APLN: variants seen among roughly 807,000 people sequenced by gnomAD.
The protein encoded by APLN is apelin, also known as AGTRL1 ligand.
APLN carries 2 observed loss-of-function variants against 4.3 expected under a neutral mutation model. The observed-to-expected ratio is 0.46, with a 90% CI of 0.19 to 1.45. APLN has a LOEUF of 1.45. Ranked by LOEUF, APLN falls within the 40% of genes most tolerant of loss-of-function variation. APLN has a pLI of 0.25. For missense variants in APLN, 80 were observed against 70.0 expected, an observed-to-expected ratio of 1.14 and a Z score of -0.51; for synonymous variants, 34 against 30.4, an observed-to-expected ratio of 1.12 and a Z score of -0.38.
rs1461301153 is a variant in APLN, at chrX:129,647,841, G to A, written c.*82C>T. The A allele has an allele frequency of 4.1e-5, 40 of 983,175 alleles. No homozygotes were observed. The highest frequency in any genetic ancestry group is 5.3e-5 in the Non-Finnish European group (40 of 756,156). 81.0% of individuals were successfully genotyped at this position (983,175 alleles called of 1,213,427 possible). A position where few individuals can be genotyped will look rare whatever the true frequency, so the allele number is the denominator to read the frequency against. On this transcript the variant is annotated 3_prime_UTR_variant, in exon 3 of 3. Coordinates refer to ENST00000429967, the MANE Select transcript of APLN (RefSeq NM_017413.5). Reference sequence around the variant, plus strand: ...TGCGAGGTGAGAGCTGAATGGACGTGAGGCCTCCAGAGAAGCAGACCAATC... The same window carrying A: ...TGCGAGGTGAGAGCTGAATGGACGTAAGGCCTCCAGAGAAGCAGACCAATC...
At chrX:129,651,164 G>C (rs1008384546) in intron 1 of APLN, among the ~76,000 whole-genome samples, 1 of 110,876 alleles carries the variant, frequency 9.0e-6, no homozygotes, top group African/African-American at 3.3e-5. Flanking sequence ...AAGATGTCTA[G>C]ACTCTAGGTC....
chrX:129,652,421 C>T (rs779037742), intron 1 of APLN, among the ~76,000 whole-genome samples: 1 of 111,634 alleles, frequency 9.0e-6, no homozygotes, highest in South Asian at 3.8e-4. Flanking sequence ...CTGGGGACAG[C>T]ATGCCAGTCC....
chrX:129,647,782 G>A lies in APLN; in HGVS notation c.*141C>T, dbSNP rs749915129. The A allele has an allele frequency of 4.6e-5, 45 of 983,202 alleles. No homozygotes were observed. In the South Asian group the frequency reaches 8.5e-4, roughly 19 times the overall value. The allele number at this position is 983,202 out of a possible 1,213,427, so 81.0% of individuals were successfully genotyped here. A position where few individuals can be genotyped will look rare whatever the true frequency, so the allele number is the denominator to read the frequency against. ...ACGCCACTGGGGGAAGCAGGCAGGT[G>A]AGAAGAGCTGGGCCCACTGGTGGCT... On this transcript the variant is annotated 3_prime_UTR_variant, in exon 3 of 3. Transcript: ENST00000429967.
chrX:129,647,436 TAG>T lies in APLN; in HGVS notation c.*485_*486del, dbSNP rs1041204149. 15 of 319,001 alleles carry T rather than the reference TAG, an allele frequency of 4.7e-5. No individual in the cohort carries two copies. The highest frequency in any genetic ancestry group is 7.7e-5 in the Non-Finnish European group (15 of 193,782). The allele number at this position is 319,001 out of a possible 1,213,427, so 26.3% of individuals were successfully genotyped here. On this transcript the variant is annotated 3_prime_UTR_variant, in exon 3 of 3. Coordinates refer to ENST00000429967, the MANE Select transcript of APLN (RefSeq NM_017413.5). ...ATCCCCGCAGCCAGCACCTCTTAACTAGAGTCTCTCCTTGCTTTTCTCTGCAT... is the reference window on the plus strand; with the variant it reads ...ATCCCCGCAGCCAGCACCTCTTAACTAGTCTCTCCTTGCTTTTCTCTGCAT...
chrX:129,653,920 T>G (rs1313354450), intron 1 of APLN, among the ~76,000 whole-genome samples: 3 of 110,293 alleles, frequency 2.7e-5, no homozygotes, highest in African/African-American at 9.9e-5. Context: ...GACCTTGGGG[T>G]TAGGGAGGAG....
chrX:129,653,507 C>T (rs1356848047), intron 1 of APLN, among the ~76,000 whole-genome samples: 1 of 112,693 alleles, frequency 8.9e-6, no homozygotes, highest in East Asian at 2.8e-4. Context: ...TGGCCTTCCC[C>T]TTGTGTGGTG....
At chrX:129,649,890 G>C (rs1305376263) in intron 1 of APLN, among the ~76,000 whole-genome samples, 6 of 111,322 alleles carry the variant, frequency 5.4e-5, no homozygotes, top group Non-Finnish European at 7.5e-5. Flanking sequence ...GAGGGAAAAG[G>C]CATGCAGGCC....
intron 1 of APLN, among the ~76,000 whole-genome samples, chrX:129,651,673 A>C (rs1936979369): frequency 8.9e-6 from 1 of 112,070 alleles, no homozygotes; most frequent in African/African-American, 3.2e-5. Flanking sequence ...ACAGGATTTG[A>C]CTTTCATGCT....
chrX:129,648,022 A>C, intron 2 of APLN, 105 bp from the exon 3 acceptor site: 1 of 919,202 alleles, frequency 1.1e-6, no homozygotes, highest in Admixed American at 3.6e-5. Flanking sequence ...CTTTCCCCCA[A>C]ACTCCACTCA....
rs895688031 is a variant in APLN, at chrX:129,647,632, G to A, written c.*291C>T. The A allele has an allele frequency of 5.1e-6, 5 of 980,119 alleles. No homozygotes were observed. In the African/African-American group the frequency reaches 1.0e-4, roughly 20 times the overall value. The allele number at this position is 980,119 out of a possible 1,213,427, so 80.8% of individuals were successfully genotyped here. A position where few individuals can be genotyped will look rare whatever the true frequency, so the allele number is the denominator to read the frequency against. Reference sequence around the variant, plus strand: ...GACAGGCAGGGACTAGGGCGGAGGGGACCTGGAGAAGAAGGGAGGCTTTCT... The same window carrying A: ...GACAGGCAGGGACTAGGGCGGAGGGAACCTGGAGAAGAAGGGAGGCTTTCT... On this transcript the variant is annotated 3_prime_UTR_variant, in exon 3 of 3. Coordinates refer to ENST00000429967, the MANE Select transcript of APLN (RefSeq NM_017413.5).
rs762505058 is a variant in APLN, at chrX:129,651,184, G to T, written c.68-2392C>A. On this transcript the variant is annotated intron_variant, in intron 1 of 2. Coordinates refer to ENST00000429967, the MANE Select transcript of APLN (RefSeq NM_017413.5). ...GTCTAGACTCTAGGTCTGCAGAGAA[G>T]AACCACTCTGAGCTGACTGAACCCC... Among the ~76,000 whole-genome samples, 7 of 111,075 alleles carry T rather than the reference G, an allele frequency of 6.3e-5. No homozygotes were observed. In the East Asian group the frequency reaches 2.0e-3, roughly 32 times the overall value.
Position 129,654,623 on chromosome X carries a change from A to G in APLN, c.8T>C (p.Leu3Pro). Residue 3 changes from leucine (L) to proline (P), a missense_variant, in exon 1 of 3, where the codon CTG becomes CCG. Coordinates refer to ENST00000429967, the MANE Select transcript of APLN (RefSeq NM_017413.5). ...CAGGAGCGCCTGCACGCAGAGCCGC[A>G]GATTCATGCTGCTCCTTGGGCCGCC... MN[L>P]RLCVQALLLL... 1 of 1,145,137 alleles carries G rather than the reference A, an allele frequency of 8.7e-7. No homozygotes were observed. Among genetic ancestry groups the G allele is most frequent in the Non-Finnish European group, 1.2e-6 (1 of 865,468 alleles). 94.4% of individuals were successfully genotyped at this position (1,145,137 alleles called of 1,213,427 possible).
At chrX:129,650,442 C>A (rs375922456) in intron 1 of APLN, among the ~76,000 whole-genome samples, 5 of 110,554 alleles carry the variant, frequency 4.5e-5, no homozygotes, top group Admixed American at 2.9e-4. Flanking sequence ...CCCACTCACA[C>A]CCAGACATAC....
chrX:129,646,274 T>C lies in APLN; in HGVS notation c.*1649A>G, dbSNP rs1201219185. The C allele has an allele frequency of 5.2e-5, 6 of 114,337 alleles. No individual in the cohort carries two copies. Among genetic ancestry groups the C allele is most frequent in the South Asian group, 6.0e-4 (2 of 3,346 alleles). The allele number at this position is 114,337 out of a possible 1,213,427, so 9.4% of individuals were successfully genotyped here. A position where few individuals can be genotyped will look rare whatever the true frequency, so the allele number is the denominator to read the frequency against. On this transcript the variant is annotated 3_prime_UTR_variant, in exon 3 of 3. Coordinates refer to ENST00000429967, the MANE Select transcript of APLN (RefSeq NM_017413.5). ...CTTGGGGGAGGTGGATAGGCAAACA[T>C]TGGGGCTATTGTGGGACTTGGGGGG... is the stretch of plus-strand genomic sequence containing the variant.
intron 1 of APLN, among the ~76,000 whole-genome samples, chrX:129,653,639 T>C (rs1217470305): frequency 4.5e-5 from 5 of 112,083 alleles, no homozygotes; most frequent in African/African-American, 1.3e-4. Flanking sequence ...TGGGGCGTGG[T>C]TGGGGACCAG....
chrX:129,654,702 G>A lies in APLN; in HGVS notation c.-72C>T. 1 of 856,421 alleles carries A rather than the reference G, an allele frequency of 1.2e-6. No homozygotes were observed. The highest frequency in any genetic ancestry group is 1.5e-6 in the Non-Finnish European group (1 of 666,598). 70.6% of individuals were successfully genotyped at this position (856,421 alleles called of 1,213,427 possible). ...GAGAGGTCGGGCGCCCGGAGGCCAAGAAAGGCGCGAGCCGCGGCTGGCGCG... is the reference window on the plus strand; with the variant it reads ...GAGAGGTCGGGCGCCCGGAGGCCAAAAAAGGCGCGAGCCGCGGCTGGCGCG... On this transcript the variant is annotated 5_prime_UTR_variant, in exon 1 of 3. Coordinates refer to ENST00000429967, the MANE Select transcript of APLN (RefSeq NM_017413.5).
chrX:129,648,661 G>A lies in APLN; in HGVS notation c.199C>T (p.Pro67Ser). The change falls in exon 2 of 3, where the codon CCC becomes TCC. Residue 67 changes from proline (P) to serine (S), a missense_variant. By Grantham distance (74) the Pro-to-Ser change is moderately conservative (BLOSUM62 -1). Transcript: ENST00000429967. Reference protein sequence around the residue: ...GGRRKFRRQRPRLSHKGPMPF With the variant: ...GGRRKFRRQRSRLSHKGPMPF ...ATGGGTCCCTTATGGGAGAGGCGGG[G>A]CCGCTGGCGGCGGAATTTCCTCCGA... is the stretch of plus-strand genomic sequence containing the variant. 1 of 1,194,327 alleles carries A rather than the reference G, an allele frequency of 8.4e-7. No homozygotes were observed. The highest frequency in any genetic ancestry group is 1.1e-6 in the Non-Finnish European group (1 of 886,380).
intron 1 of APLN, among the ~76,000 whole-genome samples, chrX:129,653,301 G>T (rs1936989127): frequency 8.9e-6 from 1 of 112,765 alleles, no homozygotes; most frequent in Non-Finnish European, 1.9e-5. Context: ...GGTGGCCTGC[G>T]ATGAGAGGCA....
intron 1 of APLN, among the ~76,000 whole-genome samples, chrX:129,651,199 G>A (rs763688180): frequency 1.8e-5 from 2 of 111,081 alleles, no homozygotes; most frequent in African/African-American, 6.6e-5. Context: ...ACTCTGAGCT[G>A]ACTGAACCCC....
Sources: gnomAD v4.1 joint callset for allele counts (sites outside exome capture counted in the v4.1 genomes callset) on GRCh38, gnomAD v4.1.1 for gene constraint, MANE v1.5 for transcripts, NCBI Gene and HGNC (gene_info 2026-07-23, HGNC 2026-07-21) for gene names.